The following FOLR3 variants were observed in gnomAD, a reference collection of about 807,000 sequenced individuals.
FOLR3 encodes the protein folate receptor gamma.
FOLR3 carries 9 observed loss-of-function variants against 20.0 expected under a neutral mutation model. That is an observed-to-expected ratio of 0.45 (90% CI 0.27 to 0.79). The LOEUF (loss-of-function observed/expected upper bound fraction) is 0.79, where lower values mean the gene tolerates loss of function less well. Among genes scored for constraint, FOLR3 ranks in the 30% least tolerant of loss-of-function variants. The pLI, the probability that FOLR3 is intolerant of heterozygous loss-of-function variation, is 0.15. For missense variants in FOLR3, 309 were observed against 323.5 expected (o/e 0.96, Z 0.34); for synonymous variants, 124 against 115.5 (o/e 1.07, Z -0.47).
At chr11:72,137,843 C>T (rs1047440342) in intron 2 of FOLR3, among the ~76,000 whole-genome samples, 7 of 152,132 alleles carry the variant, frequency 4.6e-5, no homozygotes, top group South Asian at 4.2e-4. Flanking sequence ...GAGGATAAAG[C>T]GCAAAAGCCT....
rs1348882048 is a variant in FOLR3, at chr11:72,139,815, G to C, written c.722G>C (p.Gly241Ala). 1.2e-6 allele frequency: 2 copies of C among 1,613,776 alleles called. No homozygotes were observed. The highest frequency in any genetic ancestry group is 1.7e-6 in the Non-Finnish European group (2 of 1,179,834). The change falls in exon 5 of 5, where the codon GGG becomes GCG. Residue 241 changes from glycine (G) to alanine (A), a missense_variant. Physicochemically the swap from Gly to Ala is moderately conservative, Grantham distance 60. Transcript: ENST00000611028. ...ATGAATGCTGGGGCCCCGTCTCGTG[G>C]GATTATTGATTCCTGATCCAAGAAG... ...AAMNAGAPSR[G>A]IIDS
chr11:72,138,817 T>C (rs768238543), intron 2 of FOLR3, 144 bp from the exon 3 acceptor site: 1 of 865,748 alleles, frequency 1.2e-6, no homozygotes, highest in Non-Finnish European at 1.8e-6. Flanking sequence ...AATATTGTAA[T>C]TGCCTCCGTC....
intron 2 of FOLR3, 136 bp downstream of exon 2, chr11:72,136,256 C>A: frequency 9.7e-7 from 1 of 1,031,458 alleles, no homozygotes; most frequent in Non-Finnish European, 1.5e-6. Context: ...GGCCACCATG[C>A]CACAGGTAAG....
rs1257485084 is a variant in FOLR3, at chr11:72,135,937, T to C, written c.-6-10T>C. On this transcript the variant is annotated splice_polypyrimidine_tract_variant and intron_variant, in intron 1 of 4. Transcript: ENST00000611028. ...GGCCTTGTCTACCTCTGACTGTGGC[T>C]CTCTGGCAGGAATAGATGGACATGG... 5.6e-6 allele frequency: 9 copies of C among 1,608,102 alleles called. No homozygotes were observed. The African/African-American group carries it at 6.8e-5, about 12-fold the overall frequency.
intron 2 of FOLR3, among the ~76,000 whole-genome samples, chr11:72,137,713 C>T (rs139401592): frequency 1.1e-4 from 16 of 152,134 alleles, no homozygotes; most frequent in Non-Finnish European, 1.5e-4. Context: ...AGGCTGGTCT[C>T]GAACTTCTAA....
intron 2 of FOLR3, 150 bp from the exon 3 acceptor site, chr11:72,138,811 T>C: frequency 1.2e-6 from 1 of 825,036 alleles, no homozygotes; most frequent in Non-Finnish European, 2.0e-6. Context: ...AGCACCAATA[T>C]TGTAATTGCC....
At chr11:72,137,717 C>T (rs1240787405) in intron 2 of FOLR3, among the ~76,000 whole-genome samples, 2 of 152,082 alleles carry the variant, frequency 1.3e-5, no homozygotes, top group Non-Finnish European at 2.9e-5. Flanking sequence ...TGGTCTCGAA[C>T]TTCTAACCTC....
At position 72,139,870 on chromosome 11, in the gene FOLR3, T is replaced by A. The variant is rs540813817; in HGVS notation, c.*39T>A. 1 of 1,605,078 alleles carries A rather than the reference T, an allele frequency of 6.2e-7. No individual in the cohort carries two copies. ...CTCTGGGGTTCTTCCAACAACCTAT[T>A]CTAATAGACAAATCCACATGTGTCT... is the stretch of plus-strand genomic sequence containing the variant. On this transcript the variant is annotated 3_prime_UTR_variant, in exon 5 of 5. Transcript: ENST00000611028.
intron 4 of FOLR3, 28 bp downstream of exon 4, chr11:72,139,510 A>G: frequency 1.9e-6 from 3 of 1,613,254 alleles, no homozygotes; most frequent in Non-Finnish European, 2.5e-6. Context: ...TAAGATGAGG[A>G]GTGGGAGTGG....
At chr11:72,137,656 TA>T (rs1469813156) in intron 2 of FOLR3, among the ~76,000 whole-genome samples, 2 of 152,098 alleles carry the variant, frequency 1.3e-5, no homozygotes, top group African/African-American at 4.8e-5. Context: ...TGTGCCTGGC[TA>T]ATTTTTTGGT....
In FOLR3 at chr11:72,139,624, C is replaced by T. The variant is rs1171931258; in HGVS notation, c.531C>T (p.Thr177=). 6.2e-7 allele frequency: 1 copy of T among 1,613,540 alleles called. No homozygotes were observed. Among genetic ancestry groups the T allele is most frequent in the Non-Finnish European group, 8.5e-7 (1 of 1,179,906 alleles). The change falls in exon 5 of 5, where the codon ACC becomes ACT. Residue 177 remains threonine, a synonymous_variant. Coordinates refer to ENST00000611028, the MANE Select transcript of FOLR3 (RefSeq NM_000804.4). Reference sequence around the variant, plus strand: ...GTCCGGCCGGGGCCCTCTGCAGCACCTTTGAGTCCTACTTCCCCACTCCAG... The same window carrying T: ...GTCCGGCCGGGGCCCTCTGCAGCACTTTTGAGTCCTACTTCCCCACTCCAG... ...NECPAGALCS[T]FESYFPTPAA...
At chr11:72,137,794 C>T (rs1203878869) in intron 2 of FOLR3, among the ~76,000 whole-genome samples, 3 of 152,062 alleles carry the variant, frequency 2.0e-5, no homozygotes, top group African/African-American at 7.2e-5. Flanking sequence ...TACTTAAACT[C>T]TGTAAAAATG....
At chr11:72,137,326 C>T (rs1003370013) in intron 2 of FOLR3, among the ~76,000 whole-genome samples, 5 of 151,940 alleles carry the variant, frequency 3.3e-5, no homozygotes, top group Middle Eastern at 3.2e-3. Flanking sequence ...TAGGTTCAGA[C>T]CCACGTGCAG....
chr11:72,139,191 C>A, intron 3 of FOLR3, 42 bp downstream of exon 3: 1 of 1,581,890 alleles, frequency 6.3e-7, no homozygotes, highest in Non-Finnish European at 8.6e-7. Flanking sequence ...CAGCAGAGGG[C>A]GGAGCCTGCC....
In FOLR3 at chr11:72,135,914, C is replaced by A. The variant is rs757057356; in HGVS notation, c.-6-33C>A. ...ACATGGCTGTTGCCCCTGTCTCAGG[C>A]CTTGTCTACCTCTGACTGTGGCTCT... On this transcript the variant is annotated intron_variant, in intron 1 of 4. Transcript: ENST00000611028. 1.3e-5 allele frequency: 21 copies of A among 1,605,658 alleles called. 1 individual carries two copies. Among genetic ancestry groups the A allele is most frequent in the Non-Finnish European group, 1.7e-5 (20 of 1,173,248 alleles).
At chr11:72,139,179 C>G in intron 3 of FOLR3, 30 bp downstream of exon 3, 1 of 1,598,936 alleles carries the variant, frequency 6.3e-7, no homozygotes, top group Non-Finnish European at 8.5e-7. Context: ...AAACATTAAC[C>G]TCAGCAGAGG....
rs760597945 is a variant in FOLR3, at chr11:72,138,885, C to G, written c.169-76C>G. On this transcript the variant is annotated intron_variant, in intron 2 of 4. Transcript: ENST00000611028. ...GGAAGTGTTCCTCTGGATGACCTACCTGGGGCAGAGGAGCCAGAATATGGA... is the reference window on the plus strand; with the variant it reads ...GGAAGTGTTCCTCTGGATGACCTACGTGGGGCAGAGGAGCCAGAATATGGA... The G allele has an allele frequency of 2.9e-5, 45 of 1,561,562 alleles. No individual in the cohort carries two copies. In the Admixed American group the frequency reaches 8.5e-4, roughly 30 times the overall value.
chr11:72,136,325 G>A (rs916661861), intron 2 of FOLR3, among the ~76,000 whole-genome samples: 1 of 152,090 alleles, frequency 6.6e-6, no homozygotes, highest in Non-Finnish European at 1.5e-5. Context: ...TCAGGAGTGT[G>A]CTTGTATTTC....
At chr11:72,138,860 G>A (rs1479211662) in intron 2 of FOLR3, 101 bp from the exon 3 acceptor site, 5 of 1,461,614 alleles carry the variant, frequency 3.4e-6, no homozygotes, top group Non-Finnish European at 4.7e-6. Flanking sequence ...GCCCTCCCCA[G>A]GAAGTGTTCC....
Sources: allele counts gnomAD v4.1 joint callset (sites outside exome capture counted in the v4.1 genomes callset), GRCh38; gene constraint gnomAD v4.1.1; transcripts MANE v1.5; gene names NCBI Gene and HGNC (gene_info 2026-07-23, HGNC 2026-07-21).